KCND3: variants seen among roughly 807,000 people sequenced by gnomAD.
KCND3 encodes A-type voltage-gated potassium channel KCND3.
In KCND3, 9 loss-of-function variants were observed where a neutral mutation model predicts 51.1. The ratio of observed to expected loss-of-function variants is 0.18; its 90% CI spans 0.11 to 0.31. KCND3 has a LOEUF of 0.31. Ranked by LOEUF, KCND3 falls within the 10% of genes least tolerant of loss-of-function variation. The pLI, the probability that KCND3 is intolerant of heterozygous loss-of-function variation, is 1.00. For missense variants in KCND3, 526 were observed against 903.8 expected (o/e 0.58, Z 5.36); for synonymous variants, 349 against 368.0 (o/e 0.95, Z 0.59).
intron 2 of KCND3, among the ~76,000 whole-genome samples, chr1:111,843,700 T>C (rs1336613240): frequency 2.0e-5 from 3 of 152,160 alleles, no homozygotes; most frequent in African/African-American, 7.2e-5. Flanking sequence ...ATTGAGAGAA[T>C]AGAACTAGGG....
chr1:111,883,987 C>A (rs557216899), intron 2 of KCND3, among the ~76,000 whole-genome samples: 1 of 152,166 alleles, frequency 6.6e-6, no homozygotes, highest in Non-Finnish European at 1.5e-5. Context: ...CGTGGGATTC[C>A]GATGCAGATC....
intron 2 of KCND3, among the ~76,000 whole-genome samples, chr1:111,938,613 G>A (rs1672331854): frequency 6.6e-6 from 1 of 152,118 alleles, no homozygotes; most frequent in African/African-American, 2.4e-5. Flanking sequence ...TTCCATCAGT[G>A]GACATTGAAT....
intron 2 of KCND3, among the ~76,000 whole-genome samples, chr1:111,867,875 C>T (rs1668648113): frequency 6.6e-6 from 1 of 152,208 alleles, no homozygotes; most frequent in African/African-American, 2.4e-5. Flanking sequence ...GCTATGGGGG[C>T]AGACAGACCT....
intron 2 of KCND3, among the ~76,000 whole-genome samples, chr1:111,855,960 C>T (rs1363570506): frequency 6.6e-6 from 1 of 152,162 alleles, no homozygotes; most frequent in African/African-American, 2.4e-5. Flanking sequence ...CAGAGCCAGT[C>T]CCAGATGACC....
chr1:111,864,205 T>C (rs1327240764), intron 2 of KCND3, among the ~76,000 whole-genome samples: 7 of 152,080 alleles, frequency 4.6e-5, no homozygotes, highest in African/African-American at 1.7e-4. Flanking sequence ...TATTCTTCTC[T>C]CAGTCCCACA....
chr1:111,820,960 C>G (rs1442622459), intron 2 of KCND3, among the ~76,000 whole-genome samples: 1 of 152,178 alleles, frequency 6.6e-6, no homozygotes, highest in African/African-American at 2.4e-5. Flanking sequence ...CTTCCAAGAC[C>G]AACCAACCCT....
At chr1:111,906,112 C>T (rs1670639615) in intron 2 of KCND3, among the ~76,000 whole-genome samples, 1 of 152,188 alleles carries the variant, frequency 6.6e-6, no homozygotes. Flanking sequence ...GTCCCATTCT[C>T]AAGGGTGGTG....
intron 2 of KCND3, among the ~76,000 whole-genome samples, chr1:111,833,261 C>T (rs1666923129): frequency 2.0e-5 from 3 of 152,386 alleles, no homozygotes; most frequent in South Asian, 4.1e-4. Flanking sequence ...CCAGTTTATA[C>T]TTGGATCTTG....
chr1:111,924,199 G>A lies in KCND3; in HGVS notation c.1106+57422C>T, dbSNP rs551994077. ...TGAGTGTGAGACCTCAGAAGCAAAG[G>A]TGAACAACATGAGCAGCCTCTCTCT... On this transcript the variant is annotated intron_variant, in intron 2 of 7. Coordinates refer to ENST00000302127, the MANE Select transcript of KCND3 (RefSeq NM_001378969.1). 5.9e-5 allele frequency among the ~76,000 whole-genome samples: 9 copies of A among 152,358 alleles called. No individual in the cohort carries two copies. In the East Asian group the frequency reaches 1.5e-3, roughly 26 times the overall value.
intron 2 of KCND3, among the ~76,000 whole-genome samples, chr1:111,972,233 C>T (rs1216265496): frequency 2.3e-5 from 3 of 131,338 alleles, no homozygotes; most frequent in Admixed American, 9.0e-5. Flanking sequence ...AGTGCAGTGG[C>T]GGGATCTCGG....
intron 2 of KCND3, among the ~76,000 whole-genome samples, chr1:111,794,434 G>T (rs549610959): frequency 1.6e-4 from 25 of 152,328 alleles, no homozygotes; most frequent in African/African-American, 5.8e-4. Context: ...GGGCCCAGCT[G>T]CTGGGAGCTC....
chr1:111,823,050 C>G (rs192438007), intron 2 of KCND3, among the ~76,000 whole-genome samples: 1 of 152,180 alleles, frequency 6.6e-6, no homozygotes, highest in African/African-American at 2.4e-5. Flanking sequence ...GGGGGACCCA[C>G]GGGGTGGCTA....
At chr1:111,960,553 G>A (rs562474201) in intron 2 of KCND3, among the ~76,000 whole-genome samples, 1 of 152,328 alleles carries the variant, frequency 6.6e-6, no homozygotes, top group Admixed American at 6.5e-5. Flanking sequence ...GACCTCTCCA[G>A]CTCCCTCCCC....
Position 111,780,890 on chromosome 1 carries a change from G to A in KCND3, c.1270-99C>T. 1.1e-6 allele frequency: 1 copy of A among 893,026 alleles called. No individual in the cohort carries two copies. The highest frequency in any genetic ancestry group is 1.8e-6 in the Non-Finnish European group (1 of 556,116). 55.3% of individuals were successfully genotyped at this position (893,026 alleles called of 1,614,324 possible). A position where few individuals can be genotyped will look rare whatever the true frequency, so the allele number is the denominator to read the frequency against. ...GAGGCTGGCTTCCCAGGTGACACCT[G>A]ATGAAGGGGATGAGGCTGTTTCTCT... is the stretch of plus-strand genomic sequence containing the variant. On this transcript the variant is annotated intron_variant, in intron 3 of 7. Coordinates refer to ENST00000302127, the MANE Select transcript of KCND3 (RefSeq NM_001378969.1). This position sits in a 1 kb window ranked among gnomAD's most constrained non-coding sequence, Gnocchi z 4.2.
intron 2 of KCND3, among the ~76,000 whole-genome samples, chr1:111,826,676 A>G (rs1386636277): frequency 6.6e-6 from 1 of 152,216 alleles, no homozygotes; most frequent in East Asian, 1.9e-4. Context: ...CTAAGGCTGA[A>G]GAGTTCATTC....
chr1:111,852,557 A>T (rs1347493361), intron 2 of KCND3, among the ~76,000 whole-genome samples: 1 of 152,160 alleles, frequency 6.6e-6, no homozygotes, highest in African/African-American at 2.4e-5. Context: ...TGAGAGTGAA[A>T]CTGAAATCGA....
At chr1:111,880,307 C>A (rs1029718781) in intron 2 of KCND3, among the ~76,000 whole-genome samples, 2 of 152,178 alleles carry the variant, frequency 1.3e-5, no homozygotes, top group African/African-American at 2.4e-5. Flanking sequence ...AATTATCTTA[C>A]AAAGCCCTGT....
chr1:111,932,898 A>G (rs11102356), intron 2 of KCND3, among the ~76,000 whole-genome samples: 48,088 of 152,102 alleles, frequency 0.32, 8,542 homozygotes, highest in East Asian at 0.77. Context: ...TCCAGTCCAG[A>G]CCCAGCCATC....
intron 2 of KCND3, among the ~76,000 whole-genome samples, chr1:111,888,631 A>G (rs55824530): frequency 0.11 from 16,101 of 149,780 alleles, 977 homozygotes; most frequent in East Asian, 0.17. Flanking sequence ...GCAGTGAGCC[A>G]AGATCACACC....
Sources: allele counts gnomAD v4.1 joint callset (sites outside exome capture counted in the v4.1 genomes callset), GRCh38; gene constraint gnomAD v4.1.1; non-coding constraint Gnocchi (gnomAD v3.1); transcripts MANE v1.5; gene names NCBI Gene and HGNC (gene_info 2026-07-23, HGNC 2026-07-21).